The following SCAF11 variants were observed in gnomAD, a reference collection of about 807,000 sequenced individuals.
SCAF11 encodes protein SCAF11.
A neutral mutation model predicts 140.5 loss-of-function variants in SCAF11; 47 were observed. The ratio of observed to expected loss-of-function variants is 0.33; its 90% confidence interval spans 0.26 to 0.43. SCAF11 has a LOEUF of 0.43. Ranked by LOEUF, SCAF11 falls within the 20% of genes least tolerant of loss-of-function variation. The pLI is 1.00. For synonymous variants in SCAF11, 557 were observed against 579.4 expected, an observed-to-expected ratio of 0.96 and a Z score of 0.55; for missense variants, 1,645 against 1,705.1, an observed-to-expected ratio of 0.96 and a Z score of 0.62.
intron 1 of SCAF11, among the ~76,000 whole-genome samples, chr12:45,964,847 G>A (rs1945907039): frequency 6.6e-6 from 1 of 152,168 alleles, no homozygotes; most frequent in Admixed American, 6.5e-5. Context: ...CATTCAAGGA[G>A]CAACACAGTA....
upstream of SCAF11, chr12:45,990,634 C>T (rs1946580501): frequency 3.4e-6 from 4 of 1,184,776 alleles, no homozygotes; most frequent in Non-Finnish European, 4.2e-6. Context: ...CGTCTCCCTC[C>T]TCCTCCCTTC....
Position 45,926,861 on chromosome 12 carries a change from G to C in SCAF11, c.2840C>G (p.Thr947Arg). Reference protein sequence around the residue: ...SHSRSPSRCRTKSKSSSFGRI... With the variant: ...SHSRSPSRCRRKSKSSSFGRI... Reference sequence around the variant, plus strand: ...ACCAAATGATGAACTCTTACTTTTTGTTCTACATCTTGAGGGGGACCTAGA... The same window carrying C: ...ACCAAATGATGAACTCTTACTTTTTCTTCTACATCTTGAGGGGGACCTAGA... The change falls in exon 11 of 15, where the codon ACA (threonine) becomes AGA (arginine). Residue 947 changes from threonine to arginine, a missense_variant. Thr to Arg is a moderately conservative substitution (Grantham distance 71). Transcript: ENST00000369367. 6.2e-7 allele frequency: 1 copy of C among 1,613,904 alleles called. No homozygotes were observed. Among genetic ancestry groups the C allele is most frequent in the Non-Finnish European group, 8.5e-7 (1 of 1,180,000 alleles).
rs553011219 is a variant in SCAF11 at position 45,953,637 on chromosome 12, G to A, written c.220-1910C>T. On this transcript the variant is annotated intron_variant, in intron 3 of 14. Transcript: ENST00000369367. ...AATGTTTTTTATTCCTATTTTAAAG[G>A]TAAATTTAGAGAAACATTAAAAAAA... Among the ~76,000 whole-genome samples, 4 of 151,960 alleles carry A rather than the reference G, an allele frequency of 2.6e-5. No individual in the cohort carries two copies. The East Asian group carries it at 7.7e-4, about 29-fold the overall frequency.
Position 45,972,903 on chromosome 12 carries a change from TATATAG to T in SCAF11, c.-21-8721_-21-8716del, listed in dbSNP as rs1162598698. 8.1e-5 allele frequency among the ~76,000 whole-genome samples: 8 copies of T among 98,738 alleles called. 2 individuals are homozygous for T. Among genetic ancestry groups the T allele is most frequent in the African/African-American group, 3.5e-4 (8 of 23,088 alleles). 64.8% of individuals were successfully genotyped at this position (98,738 alleles called of 152,430 possible). On this transcript the variant is annotated intron_variant, in intron 1 of 14. Transcript: ENST00000369367. ...ATAGATATATATATAGATATATATA[TATATAG>T]ATATATATATAGATATATAGATATA...
intron 8 of SCAF11, among the ~76,000 whole-genome samples, chr12:45,933,589 A>G (rs1480573604): frequency 6.6e-6 from 1 of 152,156 alleles, no homozygotes; most frequent in African/African-American, 2.4e-5. Context: ...CTAAGACAAA[A>G]GAAGAAAATA....
chr12:45,986,979 C>G (rs920183438), intron 1 of SCAF11, among the ~76,000 whole-genome samples: 1 of 152,176 alleles, frequency 6.6e-6, no homozygotes. Flanking sequence ...ATGCACTGCT[C>G]TACTCTTAGC....
At chr12:45,956,016 G>A in intron 3 of SCAF11, 1 of 682,088 alleles carries the variant, frequency 1.5e-6, no homozygotes, top group Non-Finnish European at 2.7e-6. Context: ...AATGATTTCA[G>A]TAAAACACAC....
intron 1 of SCAF11, among the ~76,000 whole-genome samples, chr12:45,989,901 G>A (rs1187125842): frequency 6.6e-6 from 1 of 152,136 alleles, no homozygotes; most frequent in Non-Finnish European, 1.5e-5. Context: ...GGTCGGGAGC[G>A]CCCGGAAGCT....
intron 6 of SCAF11, among the ~76,000 whole-genome samples, chr12:45,940,936 C>G: frequency 6.6e-6 from 1 of 152,160 alleles, no homozygotes; most frequent in Non-Finnish European, 1.5e-5. Flanking sequence ...TCCCGAGTAG[C>G]TGGGACTACA....
chr12:45,962,496 T>C (rs534191561), intron 2 of SCAF11, among the ~76,000 whole-genome samples: 1 of 152,324 alleles, frequency 6.6e-6, no homozygotes, highest in South Asian at 2.1e-4. Context: ...TTATTCTCCT[T>C]AGGATTTGTA....
Position 45,928,309 on chromosome 12 carries a change from A to G in SCAF11, c.1392T>C (p.Tyr464=), listed in dbSNP as rs1689476244. The change falls in exon 11 of 15, where the codon TAT becomes TAC. Residue 464 remains tyrosine (Y), a synonymous_variant. Coordinates refer to ENST00000369367, the MANE Select transcript of SCAF11 (RefSeq NM_004719.3). ...AAGATCCTACTCTTTCCTCTGTATC[A>G]TAATTTGCAGTATGCTTCTCACTTT... ...IEESEKHTAN[Y]DTEERVGSSS... 6.2e-7 allele frequency: 1 copy of G among 1,614,008 alleles called. No homozygotes were observed. Among genetic ancestry groups the G allele is most frequent in the Non-Finnish European group, 8.5e-7 (1 of 1,179,984 alleles).
In SCAF11 at chr12:45,939,860, T is replaced by C. The variant is rs182164452; in HGVS notation, c.464-5355A>G. On this transcript the variant is annotated intron_variant, in intron 6 of 14. Coordinates refer to ENST00000369367, the MANE Select transcript of SCAF11 (RefSeq NM_004719.3). Reference sequence around the variant, plus strand: ...AAAGAAATTTAAATTATCCTTAGGCTATATCATGGTTTCTGTTCAGTGTAA... The same window carrying C: ...AAAGAAATTTAAATTATCCTTAGGCCATATCATGGTTTCTGTTCAGTGTAA... 7.9e-4 allele frequency among the ~76,000 whole-genome samples: 120 copies of C among 152,358 alleles called. 1 individual carries two copies. The highest frequency in any genetic ancestry group is 6.5e-4 in the Non-Finnish European group (44 of 68,042).
At position 45,926,243 on chromosome 12, in the gene SCAF11, G is replaced by C. The variant is rs1440502126; in HGVS notation, c.3458C>G (p.Thr1153Ser). 4.3e-6 allele frequency: 7 copies of C among 1,614,150 alleles called. No individual in the cohort carries two copies. The highest frequency in any genetic ancestry group is 5.9e-6 in the Non-Finnish European group (7 of 1,180,022). The change falls in exon 11 of 15, where the codon ACT becomes AGT. Residue 1153 changes from threonine (T) to serine (S), a missense_variant. By Grantham distance (58) the Thr-to-Ser change is moderately conservative. Transcript: ENST00000369367. ...GTAGTTTTGTACATCTGCTGGCAAA[G>C]TCTTTCTCACGGCCCAGCTGGATGC... Reference protein sequence around the residue: ...TSASSWAVRKTLPADVQNYYS... With the variant: ...TSASSWAVRKSLPADVQNYYS...
At chr12:45,922,705 A>G in intron 13 of SCAF11, 123 bp from the exon 14 acceptor site, 1 of 1,001,076 alleles carries the variant, frequency 1.0e-6, no homozygotes, top group East Asian at 2.5e-5. Flanking sequence ...TAACGTGACA[A>G]ATATAAAACA....
intron 1 of SCAF11, among the ~76,000 whole-genome samples, chr12:45,982,766 T>C (rs551519299): frequency 6.6e-6 from 1 of 152,248 alleles, no homozygotes; most frequent in Non-Finnish European, 1.5e-5. Flanking sequence ...AGAATTTTTA[T>C]AACAGTGTTG....
rs1267818093 is a variant in SCAF11 at position 45,965,071 on chromosome 12, T to C, written c.-21-883A>G. Reference sequence around the variant, plus strand: ...GTAATAAGAAATAAGCAGAGCAATGTAAATCAAGTATGGCTAGATTATAGA... The same window carrying C: ...GTAATAAGAAATAAGCAGAGCAATGCAAATCAAGTATGGCTAGATTATAGA... On this transcript the variant is annotated intron_variant, in intron 1 of 14. Transcript: ENST00000369367. 4.6e-5 allele frequency among the ~76,000 whole-genome samples: 7 copies of C among 152,284 alleles called. No individual in the cohort carries two copies. The East Asian group carries it at 1.3e-3, about 29-fold the overall frequency.
At chr12:45,982,148 C>T (rs1033634921) in intron 1 of SCAF11, among the ~76,000 whole-genome samples, 1 of 152,142 alleles carries the variant, frequency 6.6e-6, no homozygotes, top group Non-Finnish European at 1.5e-5. Context: ...GAAGCTATTT[C>T]GTTTCATCCA....
rs74916380 is a variant in SCAF11, at chr12:45,988,027, G to A, written c.-22+2326C>T. The stretch of plus-strand genomic sequence containing the variant: ...TGGGAATAGCAAGAGAATGATACTG[G>A]ATATTTTAACTCTGGGCTCTACTCA... On this transcript the variant is annotated intron_variant, in intron 1 of 14. Transcript: ENST00000369367. 4.5e-3 allele frequency among the ~76,000 whole-genome samples: 686 copies of A among 152,280 alleles called. 10 individuals carry two copies. The highest frequency in any genetic ancestry group is 0.016 in the African/African-American group (652 of 41,556).
chr12:45,949,780 C>A (rs1945508612), intron 4 of SCAF11, among the ~76,000 whole-genome samples: 1 of 152,022 alleles, frequency 6.6e-6, no homozygotes, highest in Admixed American at 6.6e-5. Context: ...TAGAGATGCA[C>A]AAGTGGTTGT....
Sources: gnomAD v4.1 joint callset for allele counts (sites outside exome capture counted in the v4.1 genomes callset) on GRCh38, gnomAD v4.1.1 for gene constraint, MANE v1.5 for transcripts, NCBI Gene and HGNC (gene_info 2026-07-23, HGNC 2026-07-21) for gene names.